The following CSMD1 variants were observed in gnomAD, a reference collection of about 807,000 sequenced individuals.
The protein encoded by CSMD1 is CUB and sushi domain-containing protein 1.
Under a neutral mutation model 417.5 loss-of-function variants are expected in CSMD1, and 213 were observed. The observed-to-expected ratio is 0.51, with a 90% CI of 0.46 to 0.57. CSMD1 has a LOEUF of 0.57. CSMD1 is among the 20% of genes least tolerant of loss of function. The pLI, the probability that CSMD1 is intolerant of heterozygous loss-of-function variation, is 0.00. For missense variants in CSMD1, 6,923 were observed against 4,529.7 expected, an observed-to-expected ratio of 1.53 and a Z score of -15.17; for synonymous variants, 2,862 against 1,736.8, an observed-to-expected ratio of 1.65 and a Z score of -16.11.
At chr8:4,866,152 G>A (rs891168457) in intron 1 of CSMD1, among the ~76,000 whole-genome samples, 1 of 152,046 alleles carries the variant, frequency 6.6e-6, no homozygotes, top group Non-Finnish European at 1.5e-5. Flanking sequence ...ATGCTGCAAA[G>A]TTTATGACAT....
At position 4,031,457 on chromosome 8, in the gene CSMD1, G is replaced by A. The variant is rs116332375; in HGVS notation, c.610+448C>T. 4.3e-3 allele frequency among the ~76,000 whole-genome samples: 662 copies of A among 152,196 alleles called. 4 individuals carry two copies. The highest frequency in any genetic ancestry group is 0.014 in the African/African-American group (600 of 41,530). Reference sequence around the variant, plus strand: ...TCTCATAAGACTTATGTGCTATGATGAGAACGGCACAGGAAACACTTACCC... The same window carrying A: ...TCTCATAAGACTTATGTGCTATGATAAGAACGGCACAGGAAACACTTACCC... On this transcript the variant is annotated intron_variant, in intron 4 of 69. Coordinates refer to ENST00000635120, the MANE Select transcript of CSMD1 (RefSeq NM_033225.6).
chr8:4,345,476 A>G lies in CSMD1; in HGVS notation c.415+74477T>C, dbSNP rs148878112. 7.5e-3 allele frequency among the ~76,000 whole-genome samples: 1,147 copies of G among 152,210 alleles called. 6 individuals carry two copies. The highest frequency in any genetic ancestry group is 0.012 in the Non-Finnish European group (819 of 68,006). ...TAGATAACTGGAATTACATCAAACT[A>G]CAAAGCTTTTATATAGCAAAGGAAA... On this transcript the variant is annotated intron_variant, in intron 3 of 69. Transcript: ENST00000635120.
intron 5 of CSMD1, among the ~76,000 whole-genome samples, chr8:3,938,725 T>G (rs1470963862): frequency 6.6e-6 from 1 of 152,198 alleles, no homozygotes; most frequent in East Asian, 1.9e-4. Flanking sequence ...CAAACATAAG[T>G]TGTTTTCCTC....
At chr8:4,095,815 T>G (rs537535239) in intron 3 of CSMD1, among the ~76,000 whole-genome samples, 1 of 152,360 alleles carries the variant, frequency 6.6e-6, no homozygotes, top group African/African-American at 2.4e-5. Context: ...GCATGTTTAT[T>G]CATTTGTTTT....
chr8:3,283,042 C>G (rs901510563), intron 26 of CSMD1, among the ~76,000 whole-genome samples: 5 of 152,128 alleles, frequency 3.3e-5, no homozygotes, highest in African/African-American at 9.7e-5. Flanking sequence ...CTTCGGAAAC[C>G]TTTCATCAAA....
At chr8:4,980,819 A>T (rs2977727) in intron 1 of CSMD1, among the ~76,000 whole-genome samples, 97,943 of 151,582 alleles carry the variant, frequency 0.65, 32,571 homozygotes, top group African/African-American at 0.77. Context: ...CGGGAGGATC[A>T]CTTGATCCCA....
intron 50 of CSMD1, among the ~76,000 whole-genome samples, chr8:3,032,272 G>A (rs964568493): frequency 1.3e-5 from 2 of 151,856 alleles, no homozygotes; most frequent in South Asian, 2.1e-4. Context: ...AAAAAACTGA[G>A]TTTGAATACT....
chr8:4,852,422 C>A (rs1009793972), intron 1 of CSMD1, among the ~76,000 whole-genome samples: 2 of 152,118 alleles, frequency 1.3e-5, no homozygotes, highest in Admixed American at 6.6e-5. Flanking sequence ...ATGTGATGCA[C>A]TGTCTGCCCC....
At chr8:4,540,115 A>T (rs1797305615) in intron 2 of CSMD1, among the ~76,000 whole-genome samples, 1 of 152,160 alleles carries the variant, frequency 6.6e-6, no homozygotes, top group Non-Finnish European at 1.5e-5. Flanking sequence ...AAGCCCTATG[A>T]ATATATAAAC....
Position 3,359,159 on chromosome 8 carries a change from C to G in CSMD1, c.3297G>C (p.Arg1099Ser). 1 of 1,613,988 alleles carries G rather than the reference C, an allele frequency of 6.2e-7. No homozygotes were observed. Among genetic ancestry groups the G allele is most frequent in the South Asian group, 1.1e-5 (1 of 91,086 alleles). Reference sequence around the variant, plus strand: ...AAGCGTGTGACCACCTACCCACACACCTTGGCAGAGGTGCACTCCACACAC... The same window carrying G: ...AAGCGTGTGACCACCTACCCACACAGCTTGGCAGAGGTGCACTCCACACAC... ...GRRVWSAPLP[R>S]CVAECGASVK... is the part of the protein sequence containing the mutation. Residue 1099 changes from arginine to serine, a missense_variant, in exon 21 of 70, where the codon AGG becomes AGC. By Grantham distance (110) the Arg-to-Ser change is moderately radical (BLOSUM62 -1). Coordinates refer to ENST00000635120, the MANE Select transcript of CSMD1 (RefSeq NM_033225.6).
chr8:3,515,134 G>T (rs531364137), intron 10 of CSMD1: 67 of 152,236 alleles, frequency 4.4e-4, no homozygotes, highest in Middle Eastern at 3.4e-3. Flanking sequence ...AATTCATCTT[G>T]AATACATGCG....
chr8:4,240,696 C>A (rs1272230255), intron 3 of CSMD1, among the ~76,000 whole-genome samples: 2 of 152,134 alleles, frequency 1.3e-5, no homozygotes, highest in Non-Finnish European at 2.9e-5. Context: ...TGTAAATGTA[C>A]CACAATTTAA....
chr8:4,909,260 T>A (rs1487560069), intron 1 of CSMD1, among the ~76,000 whole-genome samples: 1 of 152,132 alleles, frequency 6.6e-6, no homozygotes, highest in Non-Finnish European at 1.5e-5. Context: ...TAGCTGTGAG[T>A]CTTTTAGTGA....
chr8:4,255,948 C>T (rs576015513), intron 3 of CSMD1, among the ~76,000 whole-genome samples: 4 of 152,124 alleles, frequency 2.6e-5, no homozygotes, highest in Non-Finnish European at 5.9e-5. Context: ...CACAGCCTAA[C>T]GTGGTGTCCA....
intron 5 of CSMD1, among the ~76,000 whole-genome samples, chr8:3,995,699 A>T (rs1815159337): frequency 6.6e-6 from 1 of 152,246 alleles, no homozygotes; most frequent in African/African-American, 2.4e-5. Flanking sequence ...GACAATAGTA[A>T]GAATAATGAC....
intron 1 of CSMD1, among the ~76,000 whole-genome samples, chr8:4,797,695 C>G (rs1264103561): frequency 6.6e-6 from 1 of 152,138 alleles, no homozygotes; most frequent in African/African-American, 2.4e-5. Context: ...CCTTAAGATT[C>G]ACAAGCAACA....
chr8:4,522,614 G>C (rs555048189), intron 2 of CSMD1, among the ~76,000 whole-genome samples: 1 of 152,278 alleles, frequency 6.6e-6, no homozygotes, highest in South Asian at 2.1e-4. Context: ...AATTTAGCAA[G>C]TGGAACCAGA....
chr8:4,687,435 T>C (rs529095238), intron 1 of CSMD1, among the ~76,000 whole-genome samples: 4 of 152,348 alleles, frequency 2.6e-5, no homozygotes, highest in Middle Eastern at 3.4e-3. Context: ...AAACTTTCAA[T>C]GTTGATAATT....
intron 41 of CSMD1, among the ~76,000 whole-genome samples, chr8:3,133,033 C>A (rs1474502635): frequency 6.6e-6 from 1 of 152,230 alleles, no homozygotes; most frequent in African/African-American, 2.4e-5. Context: ...GCTGACTTGC[C>A]TGTCCTATGG....
Sources: allele counts gnomAD v4.1 joint callset (sites outside exome capture counted in the v4.1 genomes callset), GRCh38; gene constraint gnomAD v4.1.1; transcripts MANE v1.5; gene names NCBI Gene and HGNC (gene_info 2026-07-23, HGNC 2026-07-21).